The following TMOD2 variants were observed in gnomAD, a reference collection of about 807,000 sequenced individuals.
The protein encoded by TMOD2 is tropomodulin 2.
TMOD2 carries 22 observed loss-of-function variants against 39.9 expected under a neutral mutation model. The observed-to-expected ratio is 0.55, with a 90% confidence interval of 0.39 to 0.79. The LOEUF is 0.79. TMOD2 is among the 30% of genes least tolerant of loss of function. The probability of loss-of-function intolerance (pLI) is 0.00; values close to 1 mark genes in which losing one functional copy is unlikely to be tolerated. For missense variants in TMOD2, 386 were observed against 413.3 expected, an observed-to-expected ratio of 0.93 and a Z score of 0.57; for synonymous variants, 123 against 146.1, an observed-to-expected ratio of 0.84 and a Z score of 1.14.
At position 51,810,285 on chromosome 15, in the gene TMOD2, G is replaced by T. The variant is rs953009746; in HGVS notation, c.*1831G>T. Reference sequence around the variant, plus strand: ...GCCATTATTTAAAATTAAATGATGTGCACTTACAACTGAATGAATTATATT... The same window carrying T: ...GCCATTATTTAAAATTAAATGATGTTCACTTACAACTGAATGAATTATATT... On this transcript the variant is annotated 3_prime_UTR_variant, in exon 10 of 10. Transcript: ENST00000249700. 1 of 152,074 alleles carries T rather than the reference G, an allele frequency of 6.6e-6. No individual in the cohort carries two copies. The highest frequency in any genetic ancestry group is 1.5e-5 in the Non-Finnish European group (1 of 68,016). 9.4% of individuals were successfully genotyped at this position (152,074 alleles called of 1,614,324 possible).
intron 8 of TMOD2, among the ~76,000 whole-genome samples, chr15:51,801,233 TCTCTCACACACA>T (rs1475216512): frequency 6.2e-5 from 6 of 97,086 alleles, no homozygotes; most frequent in African/African-American, 1.4e-4. Context: ...TCTCTCTCTC[TCTCTCACACACA>T]CACACACACA....
intron 7 of TMOD2, among the ~76,000 whole-genome samples, chr15:51,795,081 T>C (rs2056038543): frequency 6.6e-6 from 1 of 152,184 alleles, no homozygotes; most frequent in Non-Finnish European, 1.5e-5. Flanking sequence ...TTTTTAGTAC[T>C]CTCTTTCCTC....
Position 51,806,532 on chromosome 15 carries a change from C to A in TMOD2, c.1021+11C>A. On this transcript the variant is annotated intron_variant, in intron 9 of 9. Coordinates refer to ENST00000249700, the MANE Select transcript of TMOD2 (RefSeq NM_014548.4). ...AGAATAATGACCTGGGTAATTCAGCCATAATATTTGCTGTTAACAATTAGA... is the reference window on the plus strand; with the variant it reads ...AGAATAATGACCTGGGTAATTCAGCAATAATATTTGCTGTTAACAATTAGA... 3.7e-6 allele frequency: 6 copies of A among 1,613,936 alleles called. No individual in the cohort carries two copies. The highest frequency in any genetic ancestry group is 5.1e-6 in the Non-Finnish European group (6 of 1,179,916).
At chr15:51,786,197 C>G (rs2622766) in intron 7 of TMOD2, among the ~76,000 whole-genome samples, 97 of 152,162 alleles carry the variant, frequency 6.4e-4, no homozygotes, top group Non-Finnish European at 1.2e-3. Flanking sequence ...CCTCACTCCC[C>G]GAATCCCCCC....
intron 8 of TMOD2, among the ~76,000 whole-genome samples, chr15:51,799,932 A>G (rs1221000308): frequency 6.6e-6 from 1 of 152,198 alleles, no homozygotes; most frequent in African/African-American, 2.4e-5. Context: ...GTGAAACCCC[A>G]TATCTGAAAT....
intron 2 of TMOD2, 22 bp from the exon 3 acceptor site, chr15:51,768,240 G>T (rs1363598757): frequency 1.1e-5 from 17 of 1,613,714 alleles, no homozygotes; most frequent in Non-Finnish European, 1.2e-5. Context: ...CTTCCTTCCT[G>T]CTCACACCTC....
chr15:51,764,609 G>C, intron 1 of TMOD2, among the ~76,000 whole-genome samples: 1 of 152,122 alleles, frequency 6.6e-6, no homozygotes, highest in South Asian at 2.1e-4. Flanking sequence ...TAAAGTTCAG[G>C]TCCCTTAGCA....
At chr15:51,769,481 G>A (rs2141618992) in intron 3 of TMOD2, among the ~76,000 whole-genome samples, 1 of 152,316 alleles carries the variant, frequency 6.6e-6, no homozygotes. Context: ...CCCTCAAGGA[G>A]CTTGTAGTGA....
Position 51,812,711 on chromosome 15 carries a change from A to T in TMOD2, c.*4257A>T, listed in dbSNP as rs2056163806. The T allele has an allele frequency of 6.6e-6, 1 of 152,178 alleles. No individual in the cohort carries two copies. Among genetic ancestry groups the T allele is most frequent in the Admixed American group, 6.5e-5 (1 of 15,276 alleles). The allele number at this position is 152,178 out of a possible 1,614,324, so 9.4% of individuals were successfully genotyped here. A position where few individuals can be genotyped will look rare whatever the true frequency, so the allele number is the denominator to read the frequency against. ...AGAACACTAGGTTCTGTGCTATGTTACCTGTATTCAGTAGAAGTGTTTCTG... is the reference window on the plus strand; with the variant it reads ...AGAACACTAGGTTCTGTGCTATGTTTCCTGTATTCAGTAGAAGTGTTTCTG... On this transcript the variant is annotated 3_prime_UTR_variant, in exon 10 of 10. Transcript: ENST00000249700.
At chr15:51,778,276 A>G (rs1436916263) in intron 5 of TMOD2, among the ~76,000 whole-genome samples, 1 of 144,490 alleles carries the variant, frequency 6.9e-6, no homozygotes, top group Non-Finnish European at 1.5e-5. Context: ...CATAGATGGG[A>G]ATTGAACAAT....
intron 5 of TMOD2, 121 bp downstream of exon 5, chr15:51,777,139 G>A: frequency 2.5e-6 from 2 of 805,076 alleles, no homozygotes; most frequent in East Asian, 2.8e-5. Context: ...GATCACTTGG[G>A]CTTTGAGCAA....
intron 1 of TMOD2, among the ~76,000 whole-genome samples, chr15:51,766,081 T>A (rs1178660091): frequency 6.6e-6 from 1 of 152,220 alleles, no homozygotes. Context: ...CTCTGTGACC[T>A]CGAGCAAGGC....
chr15:51,775,277 G>C (rs2055878944), intron 4 of TMOD2, among the ~76,000 whole-genome samples: 1 of 152,172 alleles, frequency 6.6e-6, no homozygotes, highest in Non-Finnish European at 1.5e-5. Context: ...CCAGAGTCTA[G>C]TTCCCAGCCC....
chr15:51,806,370 C>G lies in TMOD2; in HGVS notation c.877-7C>G. 6.2e-7 allele frequency: 1 copy of G among 1,614,058 alleles called. No individual in the cohort carries two copies. The highest frequency in any genetic ancestry group is 8.5e-7 in the Non-Finnish European group (1 of 1,179,954). On this transcript the variant is annotated splice_region_variant and splice_polypyrimidine_tract_variant and intron_variant, in intron 8 of 9. Transcript: ENST00000249700. Reference sequence around the variant, plus strand: ...CATCCTGTGCATGTGTCTGCACCTGCAACCAGAGGCAGCAGTTGGGAACAG... The same window carrying G: ...CATCCTGTGCATGTGTCTGCACCTGGAACCAGAGGCAGCAGTTGGGAACAG...
intron 4 of TMOD2, among the ~76,000 whole-genome samples, chr15:51,775,239 A>C (rs1048556975): frequency 1.3e-5 from 2 of 152,188 alleles, no homozygotes; most frequent in African/African-American, 2.4e-5. Context: ...CACCTCTTAC[A>C]CTGGCTGGGT....
chr15:51,768,172 C>G (rs1245310164), intron 2 of TMOD2, 90 bp from the exon 3 acceptor site: 67 of 1,490,280 alleles, frequency 4.5e-5, no homozygotes, highest in Non-Finnish European at 5.9e-5. Context: ...TCCTGCTTCC[C>G]CAGCACATAG....
At chr15:51,771,578 T>C (rs2055854074) in intron 3 of TMOD2, among the ~76,000 whole-genome samples, 1 of 152,198 alleles carries the variant, frequency 6.6e-6, no homozygotes, top group Non-Finnish European at 1.5e-5. Context: ...GGCAGGAGGA[T>C]TACTTGAGCC....
At chr15:51,756,373 G>C (rs1266938043) in intron 1 of TMOD2, 2 of 152,234 alleles carry the variant, frequency 1.3e-5, no homozygotes. Flanking sequence ...CCACAACCAA[G>C]GACGAAAGAG....
Position 51,781,715 on chromosome 15 carries a change from T to C in TMOD2, c.624+541T>C, listed in dbSNP as rs530043737. ...AGAAAGCAGGAAGCCACAATACCTG[T>C]TATGACCTGGTTTCTGAAGTCACAT... On this transcript the variant is annotated intron_variant, in intron 6 of 9. Coordinates refer to ENST00000249700, the MANE Select transcript of TMOD2 (RefSeq NM_014548.4). Among the ~76,000 whole-genome samples the C allele has an allele frequency of 2.2e-4, 33 of 152,316 alleles. No homozygotes were observed. The South Asian group carries it at 4.8e-3, about 22-fold the overall frequency.
Sources: allele counts gnomAD v4.1 joint callset (sites outside exome capture counted in the v4.1 genomes callset), GRCh38; gene constraint gnomAD v4.1.1; transcripts MANE v1.5; gene names NCBI Gene and HGNC (gene_info 2026-07-23, HGNC 2026-07-21).